Variants in ATXN7L1 observed in about 807,000 individuals in gnomAD.
ATXN7L1 encodes ataxin-7-like protein 1.
A neutral mutation model predicts 70.8 loss-of-function variants in ATXN7L1; 15 were observed. The observed-to-expected ratio is 0.21, with a 90% CI of 0.14 to 0.33. The LOEUF is 0.33. Ranked by LOEUF, ATXN7L1 falls within the 10% of genes least tolerant of loss-of-function variation. The pLI is 1.00. For missense variants in ATXN7L1, 975 were observed against 1,097.1 expected (o/e 0.89, Z 1.57); for synonymous variants, 440 against 445.1 (o/e 0.99, Z 0.14).
intron 8 of ATXN7L1, among the ~76,000 whole-genome samples, chr7:105,623,787 C>T (rs533346680): frequency 2.0e-5 from 3 of 152,320 alleles, no homozygotes; most frequent in African/African-American, 4.8e-5. Flanking sequence ...CACGCGTGCT[C>T]GCTTCAAAGC....
chr7:105,758,056 C>T lies in ATXN7L1; in HGVS notation c.355+30548G>A, dbSNP rs143846748. Among the ~76,000 whole-genome samples the T allele has an allele frequency of 1.6e-3, 236 of 152,040 alleles. 2 individuals carry two copies. Among genetic ancestry groups the T allele is most frequent in the African/African-American group, 5.5e-3 (228 of 41,508 alleles). On this transcript the variant is annotated intron_variant, in intron 3 of 11. Transcript: ENST00000419735. The stretch of plus-strand genomic sequence containing the variant: ...ATAGTTCTTCCCTAAGCCTTTTTTC[C>T]ATCCTTGTCCCTCTTCCGAGTCCCT...
intron 2 of ATXN7L1, among the ~76,000 whole-genome samples, chr7:105,807,673 C>T (rs1418509280): frequency 6.6e-6 from 1 of 152,168 alleles, no homozygotes; most frequent in Non-Finnish European, 1.5e-5. Context: ...TCCTTGGAAC[C>T]CTCATGTGGA....
intron 2 of ATXN7L1, among the ~76,000 whole-genome samples, chr7:105,865,552 C>G (rs1276860943): frequency 1.3e-5 from 2 of 152,090 alleles, no homozygotes; most frequent in African/African-American, 4.8e-5. Context: ...CAGGCACGTG[C>G]CACCATACCC....
At chr7:105,650,452 G>C (rs571302189) in intron 4 of ATXN7L1, among the ~76,000 whole-genome samples, 19 of 152,372 alleles carry the variant, frequency 1.2e-4, no homozygotes, top group African/African-American at 4.3e-4. Flanking sequence ...GGTGGTTAGA[G>C]AGGAAGCATA....
chr7:105,733,832 ATCCG>A (rs1419718869), intron 3 of ATXN7L1, among the ~76,000 whole-genome samples: 1 of 83,340 alleles, frequency 1.2e-5, no homozygotes, highest in African/African-American at 4.9e-5. Context: ...CCACCCCTCC[ATCCG>A]TCCACCCATC....
At chr7:105,718,596 CA>C (rs1347781203) in intron 3 of ATXN7L1, among the ~76,000 whole-genome samples, 1 of 152,234 alleles carries the variant, frequency 6.6e-6, no homozygotes, top group African/African-American at 2.4e-5. Flanking sequence ...ATCACCTCTT[CA>C]CACACAGTTT....
intron 2 of ATXN7L1, among the ~76,000 whole-genome samples, chr7:105,796,436 C>A (rs1426022839): frequency 1.3e-5 from 2 of 152,068 alleles, no homozygotes; most frequent in African/African-American, 2.4e-5. Flanking sequence ...CTCGGTAGGA[C>A]CTACGGATGT....
chr7:105,741,515 T>C (rs924707276), intron 3 of ATXN7L1, among the ~76,000 whole-genome samples: 1 of 152,114 alleles, frequency 6.6e-6, no homozygotes, highest in Non-Finnish European at 1.5e-5. Context: ...GTGGTGAAAA[T>C]GCAGTCGAAG....
At chr7:105,710,564 C>T (rs566469633) in intron 3 of ATXN7L1, among the ~76,000 whole-genome samples, 3 of 151,930 alleles carry the variant, frequency 2.0e-5, no homozygotes, top group Non-Finnish European at 2.9e-5. Flanking sequence ...CCTGCCACCA[C>T]GTCTGGCTAA....
chr7:105,624,172 G>A lies in ATXN7L1; in HGVS notation c.1298C>T (p.Ala433Val). 2 of 1,533,598 alleles carry A rather than the reference G, an allele frequency of 1.3e-6. No individual in the cohort carries two copies. Among genetic ancestry groups the A allele is most frequent in the Non-Finnish European group, 1.8e-6 (2 of 1,137,024 alleles). 95.0% of individuals were successfully genotyped at this position (1,533,598 alleles called of 1,614,324 possible). ...PPLPPVGGDL[A>V]SRLSSDEGEM... ...CCCTTCATCACTGGACAGTCGGCTG[G>A]CGAGGTCACCTCCAACCGGTGGGAG... Residue 433 changes from alanine (A) to valine (V), a missense_variant, in exon 8 of 12, where the codon GCC (alanine) becomes GTC (valine). Transcript: ENST00000419735.
intron 3 of ATXN7L1, among the ~76,000 whole-genome samples, chr7:105,719,508 TG>T (rs1303491561): frequency 6.6e-6 from 1 of 152,170 alleles, no homozygotes; most frequent in Non-Finnish European, 1.5e-5. Context: ...CTTGGTTCAC[TG>T]GGTTGAGATT....
chr7:105,727,777 T>TATATATATACATAC (rs1462125950), intron 3 of ATXN7L1, among the ~76,000 whole-genome samples: 1 of 90,246 alleles, frequency 1.1e-5, no homozygotes, highest in Non-Finnish European at 2.0e-5. Context: ...TATATATATA[T>TATATATATACATAC]ACACACACAT....
At chr7:105,837,576 C>T (rs781643446) in intron 2 of ATXN7L1, among the ~76,000 whole-genome samples, 19 of 152,140 alleles carry the variant, frequency 1.2e-4, no homozygotes, top group Non-Finnish European at 2.5e-4. Flanking sequence ...TCCACAGCAC[C>T]AGTGAAAGGG....
intron 3 of ATXN7L1, among the ~76,000 whole-genome samples, chr7:105,768,803 C>T (rs1282202751): frequency 6.6e-6 from 1 of 152,250 alleles, no homozygotes; most frequent in Non-Finnish European, 1.5e-5. Flanking sequence ...ATAGTTATTG[C>T]AGAAAGCTTG....
intron 3 of ATXN7L1, among the ~76,000 whole-genome samples, chr7:105,735,476 T>A (rs1797275609): frequency 6.6e-6 from 1 of 152,220 alleles, no homozygotes; most frequent in Non-Finnish European, 1.5e-5. Flanking sequence ...CATAGAGACC[T>A]TTGCGATGAG....
At chr7:105,843,392 C>G (rs374396672) in intron 2 of ATXN7L1, among the ~76,000 whole-genome samples, 1 of 152,340 alleles carries the variant, frequency 6.6e-6, no homozygotes, top group East Asian at 1.9e-4. Context: ...TCAGAAAAGC[C>G]GGGGCATTAA....
chr7:105,716,483 A>G (rs768523821), intron 3 of ATXN7L1, among the ~76,000 whole-genome samples: 3 of 152,160 alleles, frequency 2.0e-5, no homozygotes, highest in Admixed American at 6.5e-5. Flanking sequence ...AAACCAAACA[A>G]AAGTGAGTTC....
intron 4 of ATXN7L1, among the ~76,000 whole-genome samples, chr7:105,644,136 G>A (rs1371567796): frequency 1.3e-5 from 2 of 152,118 alleles, no homozygotes; most frequent in African/African-American, 4.8e-5. Flanking sequence ...TTACATTCCT[G>A]CAGACAATGT....
At chr7:105,676,605 C>T (rs1362364717) in intron 3 of ATXN7L1, among the ~76,000 whole-genome samples, 3 of 152,074 alleles carry the variant, frequency 2.0e-5, no homozygotes, top group African/African-American at 4.8e-5. Context: ...TTTGGGAGGC[C>T]GAGGTGGGTG....
Sources: gnomAD v4.1 joint callset for allele counts (sites outside exome capture counted in the v4.1 genomes callset) on GRCh38, gnomAD v4.1.1 for gene constraint, MANE v1.5 for transcripts, NCBI Gene and HGNC (gene_info 2026-07-23, HGNC 2026-07-21) for gene names.